The following GDAP1 variants were observed in gnomAD, a reference collection of about 807,000 sequenced individuals.
The protein encoded by GDAP1 is ganglioside-induced differentiation-associated protein 1.
GDAP1 carries 34 observed loss-of-function variants against 40.1 expected under a neutral mutation model. The observed-to-expected ratio is 0.85, with a 90% confidence interval of 0.64 to 1.13. The LOEUF (loss-of-function observed/expected upper bound fraction) is 1.13, where lower values mean the gene tolerates loss of function less well. GDAP1 is among the 50% of genes most tolerant of loss of function. GDAP1 has a pLI of 0.00. For missense variants in GDAP1, 374 were observed against 433.7 expected (o/e 0.86, Z 1.22); for synonymous variants, 170 against 157.4 (o/e 1.08, Z -0.60).
intron 2 of GDAP1, among the ~76,000 whole-genome samples, chr8:74,396,497 C>G (rs1214126850): frequency 6.6e-6 from 1 of 151,886 alleles, no homozygotes; most frequent in Admixed American, 6.6e-5. Flanking sequence ...TAATGCTATC[C>G]TTCCCCCATC....
intron 2 of GDAP1, among the ~76,000 whole-genome samples, chr8:74,395,838 A>G (rs983521191): frequency 6.6e-6 from 1 of 152,220 alleles, no homozygotes; most frequent in African/African-American, 2.4e-5. Context: ...TAGATGTACC[A>G]TGTTGTTTTA....
intron 2 of GDAP1, among the ~76,000 whole-genome samples, chr8:74,474,965 C>T (rs867462651): frequency 9.2e-5 from 14 of 151,882 alleles, no homozygotes; most frequent in South Asian, 2.1e-4. Flanking sequence ...TCAATTTTGG[C>T]GCTCATTGTT....
intron 4 of GDAP1, 22 bp downstream of exon 4, chr8:74,362,000 A>G (rs764793211): frequency 9.3e-6 from 11 of 1,185,150 alleles, no homozygotes; most frequent in South Asian, 7.2e-5. Flanking sequence ...AGCTGTCCTC[A>G]GTTGACATAC....
intron 2 of GDAP1, among the ~76,000 whole-genome samples, chr8:74,456,373 T>C (rs560269396): frequency 6.6e-6 from 1 of 152,110 alleles, no homozygotes; most frequent in East Asian, 1.9e-4. Flanking sequence ...ACCAGAAACA[T>C]AGAACAACTA....
intron 2 of GDAP1, among the ~76,000 whole-genome samples, chr8:74,390,147 GT>G (rs1810085825): frequency 6.6e-6 from 1 of 152,160 alleles, no homozygotes; most frequent in African/African-American, 2.4e-5. Context: ...GCTCAGAGGA[GT>G]TTGTTATTAC....
chr8:74,432,642 A>C (rs1159990533), intron 2 of GDAP1, among the ~76,000 whole-genome samples: 2 of 152,098 alleles, frequency 1.3e-5, no homozygotes, highest in Non-Finnish European at 2.9e-5. Flanking sequence ...GAATGGCTGC[A>C]TCTCATCTGG....
Position 74,405,098 on chromosome 8 carries a change from C to T in GDAP1, c.165+53777C>T, listed in dbSNP as rs959158452. Among the ~76,000 whole-genome samples, 8 of 150,042 alleles carry T rather than the reference C, an allele frequency of 5.3e-5. 1 individual carries two copies. The highest frequency in any genetic ancestry group is 8.8e-5 in the Non-Finnish European group (6 of 68,020). On this transcript the variant is annotated intron_variant, in intron 2 of 2. Transcript: ENST00000523640. ...GTTTAATGGACTCACAGTTCCAAATCGCTGAGGAGGCCTCACAGTCATGGC... is the reference window on the plus strand; with the variant it reads ...GTTTAATGGACTCACAGTTCCAAATTGCTGAGGAGGCCTCACAGTCATGGC...
At position 74,366,270 on chromosome 8, in the gene GDAP1, A is replaced by T. The variant is rs959591252; in HGVS notation, c.*1903A>T. The T allele has an allele frequency of 4.4e-6, 2 of 454,324 alleles. No individual in the cohort carries two copies. Among genetic ancestry groups the T allele is most frequent in the Non-Finnish European group, 8.8e-6 (2 of 226,772 alleles). The allele number at this position is 454,324 out of a possible 1,614,324, so 28.1% of individuals were successfully genotyped here. On this transcript the variant is annotated 3_prime_UTR_variant, in exon 6 of 6. Coordinates refer to ENST00000220822, the MANE Select transcript of GDAP1 (RefSeq NM_018972.4). ...GTGCTTTTAAGGTGTTTGTTTAGGG[A>T]TACAATGACCACTAGATGTCGCTGT...
rs1291933078 is a variant in GDAP1 at position 74,364,804 on chromosome 8, G to GC, written c.*438dup. On this transcript the variant is annotated 3_prime_UTR_variant, in exon 6 of 6. Coordinates refer to ENST00000220822, the MANE Select transcript of GDAP1 (RefSeq NM_018972.4). ...GATAGTGGGCTGGAGAGAACCCCAG[G>GC]CTTTATATGTATACTTTGACCTCAG... The GC allele has an allele frequency of 2.2e-6, 1 of 456,012 alleles. No homozygotes were observed. Among genetic ancestry groups the GC allele is most frequent in the Non-Finnish European group, 4.4e-6 (1 of 228,254 alleles). The allele number at this position is 456,012 out of a possible 1,614,324, so 28.2% of individuals were successfully genotyped here. A position where few individuals can be genotyped will look rare whatever the true frequency, so the allele number is the denominator to read the frequency against.
At chr8:74,397,207 T>C (rs923893529) in intron 2 of GDAP1, among the ~76,000 whole-genome samples, 1 of 151,594 alleles carries the variant, frequency 6.6e-6, no homozygotes, top group African/African-American at 2.4e-5. Flanking sequence ...GGGTTTTTTT[T>C]TTTTTTTCTT....
intron 2 of GDAP1, among the ~76,000 whole-genome samples, chr8:74,432,718 G>A (rs1001122701): frequency 2.0e-5 from 3 of 152,148 alleles, no homozygotes; most frequent in Non-Finnish European, 4.4e-5. Context: ...TCAAGGCCTT[G>A]TGCAAATGTC....
rs1370454429 is a variant in GDAP1 at position 74,366,273 on chromosome 8, C to A, written c.*1906C>A. 2 of 454,274 alleles carry A rather than the reference C, an allele frequency of 4.4e-6. No individual in the cohort carries two copies. Among genetic ancestry groups the A allele is most frequent in the African/African-American group, 2.0e-5 (1 of 49,994 alleles). 28.1% of individuals were successfully genotyped at this position (454,274 alleles called of 1,614,324 possible). On this transcript the variant is annotated 3_prime_UTR_variant, in exon 6 of 6. Transcript: ENST00000220822. The stretch of plus-strand genomic sequence containing the variant: ...CTTTTAAGGTGTTTGTTTAGGGATA[C>A]AATGACCACTAGATGTCGCTGTTTA...
intron 4 of GDAP1, 38 bp downstream of exon 4, chr8:74,362,016 A>G: frequency 9.8e-7 from 1 of 1,016,752 alleles, no homozygotes; most frequent in Non-Finnish European, 1.6e-6. Context: ...CATACACTGC[A>G]CGGAGTAAAT....
intron 2 of GDAP1, among the ~76,000 whole-genome samples, chr8:74,483,837 C>T (rs1293784550): frequency 2.0e-5 from 3 of 152,164 alleles, no homozygotes; most frequent in East Asian, 1.9e-4. Flanking sequence ...TCTTGAAATG[C>T]AGTGATTTCT....
At chr8:74,462,929 G>C (rs1806418600) in intron 2 of GDAP1, among the ~76,000 whole-genome samples, 1 of 150,776 alleles carries the variant, frequency 6.6e-6, no homozygotes, top group Non-Finnish European at 1.5e-5. Flanking sequence ...ATTCAGAAGA[G>C]ATCAAATTAT....
Position 74,428,463 on chromosome 8 carries a change from TG to T in GDAP1, c.166-60214del, listed in dbSNP as rs1352357783. The stretch of plus-strand genomic sequence containing the variant: ...TGTCATCTCAGAAGTTTTTCTTGAT[TG>T]TTTTGTTTTTTTTTTTTTCTTTTGA... On this transcript the variant is annotated intron_variant, in intron 2 of 2. Transcript: ENST00000523640. Among the ~76,000 whole-genome samples the T allele has an allele frequency of 4.0e-5, 6 of 150,888 alleles. No individual in the cohort carries two copies. The East Asian group carries it at 7.8e-4, about 20-fold the overall frequency.
At chr8:74,398,125 A>G (rs1052033066) in intron 2 of GDAP1, among the ~76,000 whole-genome samples, 5 of 151,924 alleles carry the variant, frequency 3.3e-5, no homozygotes, top group Non-Finnish European at 5.9e-5. Flanking sequence ...GCAATTGTGA[A>G]TGGGAGTTCA....
chr8:74,397,571 T>C (rs1358278451), intron 2 of GDAP1, among the ~76,000 whole-genome samples: 1 of 152,202 alleles, frequency 6.6e-6, no homozygotes, highest in Non-Finnish European at 1.5e-5. Context: ...GCTTTCTACA[T>C]ATGGCTAGCC....
At chr8:74,398,121 G>T (rs933552500) in intron 2 of GDAP1, among the ~76,000 whole-genome samples, 2 of 151,912 alleles carry the variant, frequency 1.3e-5, no homozygotes, top group Non-Finnish European at 1.5e-5. Flanking sequence ...TGAAGCAATT[G>T]TGAATGGGAG....
Sources: allele counts gnomAD v4.1 joint callset (sites outside exome capture counted in the v4.1 genomes callset), GRCh38; gene constraint gnomAD v4.1.1; transcripts MANE v1.5; gene names NCBI Gene and HGNC (gene_info 2026-07-23, HGNC 2026-07-21).